The following PRELID2 variants were observed in gnomAD, a reference collection of about 807,000 sequenced individuals.
The protein encoded by PRELID2 is PRELI domain containing 2.
Under a neutral mutation model 28.4 loss-of-function variants are expected in PRELID2, and 25 were observed. The observed-to-expected ratio is 0.88, with a 90% CI of 0.64 to 1.23. PRELID2 has a LOEUF of 1.23. Among genes scored for constraint, PRELID2 ranks in the 50% most tolerant of loss-of-function variants. PRELID2 has a pLI of 0.00. For missense variants in PRELID2, 201 were observed against 214.4 expected (o/e 0.94, Z 0.39); for synonymous variants, 76 against 71.6 (o/e 1.06, Z -0.31).
intron 1 of PRELID2, among the ~76,000 whole-genome samples, chr5:145,592,717 C>T (rs1015409850): frequency 2.0e-5 from 3 of 152,118 alleles, no homozygotes; most frequent in Non-Finnish European, 4.4e-5. Flanking sequence ...GACTTAATTA[C>T]TTTGTTGCAT....
In PRELID2 at chr5:145,724,600, AATATATATATATATATATATATATATAT is replaced by A. The variant is rs59677300; in HGVS notation, n.70+40303_70+40330del. On this transcript the variant is annotated intron_variant and non_coding_transcript_variant, in intron 1 of 2. Transcript: ENST00000510259. ...ACACTGAAATAACAAGAAGTAAATA[AATATATATATATATATATATATATATAT>A]ATATATATATATATATATAATGCCT... is the stretch of plus-strand genomic sequence containing the variant. Among the ~76,000 whole-genome samples, 28 of 24,778 alleles carry A rather than the reference AATATATATATATATATATATATATATAT, an allele frequency of 1.1e-3. 2 individuals are homozygous for A. The highest frequency in any genetic ancestry group is 0.033 in the Middle Eastern group (1 of 30). The allele number at this position is 24,778 out of a possible 152,430, so 16.3% of individuals were successfully genotyped here.
the PRELID2 span, among the ~76,000 whole-genome samples, chr5:145,352,482 G>A: frequency 6.6e-6 from 1 of 152,244 alleles, no homozygotes. Context: ...AGGCCCCATA[G>A]AGAAGGAAGC....
intron 1 of PRELID2, among the ~76,000 whole-genome samples, chr5:145,574,233 C>T (rs1753040246): frequency 6.6e-6 from 1 of 152,118 alleles, no homozygotes; most frequent in Non-Finnish European, 1.5e-5. Context: ...GCAGGCAGTG[C>T]AGTCTCTAGA....
At chr5:145,556,789 C>G (rs1752883393) in intron 1 of PRELID2, among the ~76,000 whole-genome samples, 1 of 152,156 alleles carries the variant, frequency 6.6e-6, no homozygotes, top group Admixed American at 6.5e-5. Context: ...ATAATACTTC[C>G]CATGCTTCTT....
intron 1 of PRELID2, among the ~76,000 whole-genome samples, chr5:145,623,447 C>CAAAA (rs923728377): frequency 1.3e-5 from 2 of 148,782 alleles, no homozygotes; most frequent in South Asian, 2.1e-4. Flanking sequence ...AACTCCTTCT[C>CAAAA]AAAAAAAAAT....
At chr5:145,353,818 G>A in the PRELID2 span, among the ~76,000 whole-genome samples, 1 of 152,092 alleles carries the variant, frequency 6.6e-6, no homozygotes, top group Non-Finnish European at 1.5e-5. Flanking sequence ...TGGGGACACA[G>A]GCAAACCACA....
chr5:145,821,124 G>A (rs959933050), intron 2 of PRELID2, among the ~76,000 whole-genome samples: 10 of 116,700 alleles, frequency 8.6e-5, no homozygotes, highest in South Asian at 8.2e-4. Flanking sequence ...CCGCCTGACC[G>A]TCACCTGATG....
intron 1 of PRELID2, among the ~76,000 whole-genome samples, chr5:145,630,325 G>T (rs1048091324): frequency 7.9e-5 from 12 of 152,176 alleles, no homozygotes; most frequent in Admixed American, 7.2e-4. Flanking sequence ...GACTATGGGA[G>T]AGGAACTGGG....
At chr5:145,495,896 T>G (rs932021570) in intron 1 of PRELID2, among the ~76,000 whole-genome samples, 11 of 152,126 alleles carry the variant, frequency 7.2e-5, no homozygotes, top group African/African-American at 2.7e-4. Context: ...GAATAAAAAT[T>G]GTCTGTGTCC....
the PRELID2 span, among the ~76,000 whole-genome samples, chr5:145,245,870 A>G: frequency 2.0e-5 from 3 of 152,020 alleles, no homozygotes; most frequent in African/African-American, 7.2e-5. Flanking sequence ...GTGCATGTCA[A>G]TGTAAAAAGC....
chr5:145,592,156 C>A (rs530856906), intron 1 of PRELID2, among the ~76,000 whole-genome samples: 11 of 152,268 alleles, frequency 7.2e-5, no homozygotes, highest in Admixed American at 2.0e-4. Context: ...GTGGCTCACG[C>A]CTGTAATCCC....
At chr5:145,341,514 T>C in the PRELID2 span, among the ~76,000 whole-genome samples, 1 of 152,082 alleles carries the variant, frequency 6.6e-6, no homozygotes, top group African/African-American at 2.4e-5. Context: ...CACTCCAACC[T>C]GGGCAACAGA....
At chr5:145,350,908 C>T in the PRELID2 span, among the ~76,000 whole-genome samples, 4 of 152,106 alleles carry the variant, frequency 2.6e-5, no homozygotes, top group Admixed American at 2.0e-4. Context: ...AGAACATGCC[C>T]AGTGAATCTA....
At chr5:145,550,836 AT>A (rs1229844217) in intron 1 of PRELID2, among the ~76,000 whole-genome samples, 1 of 152,054 alleles carries the variant, frequency 6.6e-6, no homozygotes, top group Non-Finnish European at 1.5e-5. Flanking sequence ...AAAGTTTACT[AT>A]TTTTTTCTTA....
At chr5:145,370,610 T>C in the PRELID2 span, among the ~76,000 whole-genome samples, 1 of 152,160 alleles carries the variant, frequency 6.6e-6, no homozygotes, top group Non-Finnish European at 1.5e-5. Flanking sequence ...TATGGGGTCT[T>C]CTTTGATTCC....
the PRELID2 span, among the ~76,000 whole-genome samples, chr5:145,262,573 A>G: frequency 6.6e-6 from 1 of 152,146 alleles, no homozygotes; most frequent in Non-Finnish European, 1.5e-5. Context: ...CAAGAATTAT[A>G]TATTGACTGA....
intron 1 of PRELID2, among the ~76,000 whole-genome samples, chr5:145,743,592 G>A (rs1007369031): frequency 3.7e-4 from 21 of 57,318 alleles, no homozygotes; most frequent in African/African-American, 9.5e-4. Flanking sequence ...AAAGCCACAC[G>A]GGGAATCCCC....
intron 1 of PRELID2, among the ~76,000 whole-genome samples, chr5:145,598,018 A>G (rs1388366719): frequency 6.6e-6 from 1 of 152,220 alleles, no homozygotes; most frequent in Non-Finnish European, 1.5e-5. Context: ...CTTCAGCACA[A>G]GAAGAAAGGA....
intron 1 of PRELID2, among the ~76,000 whole-genome samples, chr5:145,743,994 G>A (rs542392199): frequency 6.6e-6 from 1 of 152,342 alleles, no homozygotes; most frequent in South Asian, 2.1e-4. Flanking sequence ...GCTGCAGCCA[G>A]GGAGGCTGGA....
Sources: allele counts gnomAD v4.1 joint callset (sites outside exome capture counted in the v4.1 genomes callset), GRCh38; gene constraint gnomAD v4.1.1; transcripts MANE v1.5; gene names NCBI Gene and HGNC (gene_info 2026-07-23, HGNC 2026-07-21).